SLIT1: variants seen among roughly 807,000 people sequenced by gnomAD.
SLIT1 encodes slit guidance ligand 1.
SLIT1 carries 66 observed loss-of-function variants against 186.1 expected under a neutral mutation model. The observed-to-expected ratio is 0.35, with a 90% CI of 0.29 to 0.44. The LOEUF (loss-of-function observed/expected upper bound fraction) is 0.44. SLIT1 is among the 20% of genes least tolerant of loss of function. The pLI, the probability that SLIT1 is intolerant of heterozygous loss-of-function variation, is 1.00. For synonymous variants in SLIT1, 761 were observed against 833.8 expected (o/e 0.91, Z 1.50); for missense variants, 1,638 against 2,037.4 (o/e 0.80, Z 3.77).
intron 1 of SLIT1, among the ~76,000 whole-genome samples, chr10:97,171,315 A>G (rs1299737181): frequency 1.3e-5 from 2 of 151,824 alleles, no homozygotes; most frequent in East Asian, 1.9e-4. Context: ...GCCCCATCCC[A>G]CCTGCCAGCT....
At chr10:97,146,355 G>C (rs528415591) in intron 4 of SLIT1, among the ~76,000 whole-genome samples, 38 of 152,262 alleles carry the variant, frequency 2.5e-4, no homozygotes, top group African/African-American at 8.7e-4. Context: ...AAATTGAGTT[G>C]GTCAAAACCT....
chr10:97,039,336 T>C (rs886935351), intron 21 of SLIT1, among the ~76,000 whole-genome samples: 1 of 152,194 alleles, frequency 6.6e-6, no homozygotes, highest in Non-Finnish European at 1.5e-5. Flanking sequence ...CCTCCACATG[T>C]GCTCAGATAC....
intron 4 of SLIT1, among the ~76,000 whole-genome samples, chr10:97,140,077 C>T (rs562473115): frequency 4.6e-5 from 7 of 152,266 alleles, no homozygotes; most frequent in South Asian, 2.1e-4. Context: ...TTCCTCTTCC[C>T]GCCATCCCTC....
At chr10:97,058,001 A>G (rs1168680099) in intron 11 of SLIT1, 8 of 717,352 alleles carry the variant, frequency 1.1e-5, no homozygotes, top group Non-Finnish European at 1.8e-5. Context: ...CTCTTCAAAC[A>G]TGGCTTCAAG....
chr10:97,018,110 G>A (rs1848470107), intron 28 of SLIT1, among the ~76,000 whole-genome samples: 1 of 152,172 alleles, frequency 6.6e-6, no homozygotes, highest in African/African-American at 2.4e-5. Flanking sequence ...GCCTCCCAAA[G>A]TGTTGGGATT....
chr10:97,150,157 G>A (rs141924288), intron 4 of SLIT1, among the ~76,000 whole-genome samples: 3 of 152,250 alleles, frequency 2.0e-5, no homozygotes, highest in Non-Finnish European at 4.4e-5. Context: ...CTGGGGAGGG[G>A]CGGCTGGGAG....
intron 36 of SLIT1, among the ~76,000 whole-genome samples, chr10:97,001,781 G>A (rs952794615): frequency 1.3e-5 from 2 of 152,132 alleles, no homozygotes; most frequent in Admixed American, 1.3e-4. Context: ...AGCCATCTTG[G>A]TCAAGCAGGC....
At chr10:97,081,282 G>A (rs940852909) in intron 4 of SLIT1, among the ~76,000 whole-genome samples, 1 of 152,198 alleles carries the variant, frequency 6.6e-6, no homozygotes, top group Non-Finnish European at 1.5e-5. Context: ...GGGCAGAGGG[G>A]CTGTGAATCC....
At chr10:97,008,557 G>T (rs971221766) in intron 31 of SLIT1, among the ~76,000 whole-genome samples, 1 of 152,078 alleles carries the variant, frequency 6.6e-6, no homozygotes, top group Non-Finnish European at 1.5e-5. Context: ...TTAGCCAGGC[G>T]TGGTGGCACA....
At chr10:97,118,124 C>T (rs893119391) in intron 4 of SLIT1, among the ~76,000 whole-genome samples, 29 of 152,142 alleles carry the variant, frequency 1.9e-4, no homozygotes, top group African/African-American at 6.8e-4. Context: ...CATCACAGTA[C>T]GCTCACATTT....
rs146170106 is a variant in SLIT1, at chr10:97,066,037, C to T, written c.463G>A (p.Gly155Arg). The change falls in exon 5 of 37, where the codon GGA becomes AGA. Residue 155 changes from glycine (G) to arginine (R), a missense_variant. Physicochemically the swap from Gly to Arg is moderately radical, Grantham distance 125. Transcript: ENST00000266058. ...IQAIPRKAFR[G>R]ATDLKNLQLD... ...CACAAATTTTTAAGGTCCGTAGCTC[C>T]CCGAAAAGCTTTCCTGGGGATGGCC... 2.4e-3 allele frequency: 3,822 copies of T among 1,605,902 alleles called. 5 individuals carry two copies. The highest frequency in any genetic ancestry group is 2.9e-3 in the Non-Finnish European group (3,443 of 1,175,518).
chr10:97,062,229 G>GCACA (rs71007314), intron 8 of SLIT1, among the ~76,000 whole-genome samples: 15 of 151,584 alleles, frequency 9.9e-5, no homozygotes, highest in African/African-American at 3.4e-4. Flanking sequence ...ACATCTGCAT[G>GCACA]CACACACACA....
chr10:97,087,184 A>G (rs922109565), intron 4 of SLIT1, among the ~76,000 whole-genome samples: 1 of 142,600 alleles, frequency 7.0e-6, no homozygotes, highest in Admixed American at 7.1e-5. Flanking sequence ...ACCACCCCCC[A>G]GCCCAGCCCC....
intron 4 of SLIT1, among the ~76,000 whole-genome samples, chr10:97,085,510 C>T (rs1240121579): frequency 6.6e-6 from 1 of 152,096 alleles, no homozygotes; most frequent in Non-Finnish European, 1.5e-5. Flanking sequence ...GCCTCAGCCT[C>T]CTGAGTAGCT....
chr10:96,998,759 C>G lies in SLIT1; in HGVS notation c.*2353G>C, dbSNP rs554292879. The G allele has an allele frequency of 6.6e-6, 1 of 152,436 alleles. No individual in the cohort carries two copies. Among genetic ancestry groups the G allele is most frequent in the African/African-American group, 2.4e-5 (1 of 41,574 alleles). 9.4% of individuals were successfully genotyped at this position (152,436 alleles called of 1,614,324 possible). On this transcript the variant is annotated 3_prime_UTR_variant, in exon 37 of 37. Transcript: ENST00000266058. ...GCGCTGCTGTGCTAGGAGGCTGGGC[C>G]ATGTGGTGGGGCCGGTCAGGGGAGC... is the stretch of plus-strand genomic sequence containing the variant.
In SLIT1 at chr10:97,047,749, C is replaced by T. The variant is rs370369819; in HGVS notation, c.1575G>A (p.Glu525=). The T allele has an allele frequency of 1.5e-3, 2,347 of 1,614,064 alleles. 49 individuals are homozygous for T. In the South Asian group the frequency reaches 0.024, roughly 17 times the overall value. ...TCTTGGTGAGCTTCAGGCTGGAGCA[C>T]TCCACCACGTTGGCCTCACAGCGGC... The part of the protein sequence containing the change: ...HKCRCEANVV[E]CSSLKLTKIP... Residue 525 remains glutamate (E), a synonymous_variant, in exon 16 of 37, where the codon GAG becomes GAA. Coordinates refer to ENST00000266058, the MANE Select transcript of SLIT1 (RefSeq NM_003061.3).
chr10:97,113,695 G>C (rs2079597703), intron 4 of SLIT1, among the ~76,000 whole-genome samples: 2 of 151,980 alleles, frequency 1.3e-5, no homozygotes, highest in African/African-American at 2.4e-5. Flanking sequence ...TGGGATTATA[G>C]GCATGCACCA....
chr10:97,140,672 C>A (rs1016421781), intron 4 of SLIT1, among the ~76,000 whole-genome samples: 1 of 152,198 alleles, frequency 6.6e-6, no homozygotes, highest in Non-Finnish European at 1.5e-5. Flanking sequence ...ACTACGTGGA[C>A]TTCAAAGGGG....
chr10:97,090,597 TG>T (rs55942419), intron 4 of SLIT1, among the ~76,000 whole-genome samples: 149,942 of 152,112 alleles, frequency 0.99, 73,957 homozygotes, highest in Middle Eastern at 1. Context: ...TATAGGGTGT[TG>T]GGGGGGGCAG....
Sources: allele counts gnomAD v4.1 joint callset (sites outside exome capture counted in the v4.1 genomes callset), GRCh38; gene constraint gnomAD v4.1.1; transcripts MANE v1.5; gene names NCBI Gene and HGNC (gene_info 2026-07-23, HGNC 2026-07-21).